Variants in THADA observed in about 807,000 individuals in gnomAD.
The protein encoded by THADA is tRNA (32-2'-O)-methyltransferase regulator THADA.
In THADA, 213 loss-of-function variants were observed where a neutral mutation model predicts 219.8. That is an observed-to-expected ratio of 0.97 (90% CI 0.87 to 1.09). THADA has a LOEUF of 1.09. Ranked by LOEUF, THADA falls within the 50% of genes least tolerant of loss-of-function variation. THADA has a pLI of 0.00. For synonymous variants in THADA, 1,018 were observed against 828.9 expected (o/e 1.23, Z -3.92); for missense variants, 2,956 against 2,311.3 (o/e 1.28, Z -5.72).
chr2:43,505,451 G>A lies in THADA; in HGVS notation c.3621+171C>T, dbSNP rs114258346. Reference sequence around the variant, plus strand: ...GCAAAGATTTAAAACAACTGCAGGCGGCTGAGGCAGAAGAATTGCTTGAAC... The same window carrying A: ...GCAAAGATTTAAAACAACTGCAGGCAGCTGAGGCAGAAGAATTGCTTGAAC... On this transcript the variant is annotated intron_variant, in intron 24 of 37. Coordinates refer to ENST00000405975, the MANE Select transcript of THADA (RefSeq NM_022065.5). Among the ~76,000 whole-genome samples, 973 of 152,274 alleles carry A rather than the reference G, an allele frequency of 6.4e-3. 5 individuals are homozygous for A. The highest frequency in any genetic ancestry group is 1.0e-2 in the Non-Finnish European group (678 of 68,014).
chr2:43,581,726 A>G lies in THADA; in HGVS notation c.721+15T>C, dbSNP rs771759081. On this transcript the variant is annotated intron_variant, in intron 8 of 37. Coordinates refer to ENST00000405975, the MANE Select transcript of THADA (RefSeq NM_022065.5). ...GTCAATTATATATCATTTGTATATA[A>G]TTTGTTACACTTACCATCGCTTAAA... The G allele has an allele frequency of 6.2e-7, 1 of 1,601,472 alleles. No individual in the cohort carries two copies. Among genetic ancestry groups the G allele is most frequent in the Non-Finnish European group, 8.5e-7 (1 of 1,175,506 alleles).
intron 36 of THADA, among the ~76,000 whole-genome samples, chr2:43,274,998 C>CTT (rs1002469067): frequency 3.0e-5 from 2 of 66,298 alleles, no homozygotes; most frequent in East Asian, 3.5e-4. Flanking sequence ...CTTTTCTTTT[C>CTT]TTTTTTTTTT....
At chr2:43,433,535 C>G (rs898446012) in intron 26 of THADA, among the ~76,000 whole-genome samples, 9 of 151,180 alleles carry the variant, frequency 6.0e-5, no homozygotes, top group African/African-American at 1.7e-4. Context: ...TCTCAGAAAA[C>G]AAACAAACAA....
intron 29 of THADA, among the ~76,000 whole-genome samples, chr2:43,355,626 T>G (rs149691920): frequency 2.6e-5 from 4 of 152,150 alleles, no homozygotes; most frequent in African/African-American, 9.7e-5. Flanking sequence ...GTTTTGTATC[T>G]TAGGTCTTAT....
intron 30 of THADA, chr2:43,343,394 A>G (rs1308610547): frequency 6.6e-6 from 1 of 152,208 alleles, no homozygotes; most frequent in Non-Finnish European, 1.5e-5. Context: ...TAACACTAAC[A>G]CATGCGCCTC....
intron 29 of THADA, among the ~76,000 whole-genome samples, chr2:43,394,841 T>C (rs139873818): frequency 1.2e-4 from 18 of 152,346 alleles, no homozygotes; most frequent in African/African-American, 1.7e-4. Flanking sequence ...ATGAATATGA[T>C]ACCCAACAAC....
At chr2:43,407,614 C>T (rs898540737) in intron 28 of THADA, among the ~76,000 whole-genome samples, 1 of 152,086 alleles carries the variant, frequency 6.6e-6, no homozygotes, top group Non-Finnish European at 1.5e-5. Flanking sequence ...GCTCAACATA[C>T]ACCAATTCTA....
Position 43,430,507 on chromosome 2 carries a change from T to A in THADA, c.3837-205A>T. On this transcript the variant is annotated intron_variant, in intron 26 of 37. Transcript: ENST00000405975. ...TCTGAAGTGCTCTCAATCCATGAAC[T>A]TTTATCTCAAAATTTAAGATTATGT... The A allele has an allele frequency of 9.2e-6, 5 of 546,180 alleles. No individual in the cohort carries two copies. The South Asian group carries it at 1.1e-4, about 12-fold the overall frequency. 33.8% of individuals were successfully genotyped at this position (546,180 alleles called of 1,614,324 possible).
chr2:43,348,449 T>C (rs1051078781), intron 29 of THADA, among the ~76,000 whole-genome samples: 1 of 152,228 alleles, frequency 6.6e-6, no homozygotes, highest in Admixed American at 6.5e-5. Context: ...AACCCAAATC[T>C]CTACTAAAAG....
At chr2:43,548,848 C>T (rs956327263) in intron 20 of THADA, among the ~76,000 whole-genome samples, 27 of 152,352 alleles carry the variant, frequency 1.8e-4, no homozygotes, top group African/African-American at 5.5e-4. Flanking sequence ...CGCCCTGCTT[C>T]GGCTCGCGCA....
rs752998473 is a variant in THADA at position 43,320,456 on chromosome 2, G to C, written c.4428C>G (p.Asp1476Glu). 2 of 1,611,930 alleles carry C rather than the reference G, an allele frequency of 1.2e-6. No individual in the cohort carries two copies. Among genetic ancestry groups the C allele is most frequent in the Non-Finnish European group, 1.7e-6 (2 of 1,178,470 alleles). The change falls in exon 31 of 38, where the codon GAC becomes GAG. Residue 1476 changes from aspartate (D) to glutamate (E), a missense_variant. By Grantham distance (45) the Asp-to-Glu change is conservative (BLOSUM62 2). Coordinates refer to ENST00000405975, the MANE Select transcript of THADA (RefSeq NM_022065.5). ...AACTATGAATCATACCTGGCTGGTTGTCCTTTGCAGATCTGTTGAGGCAGC... is the reference window on the plus strand; with the variant it reads ...AACTATGAATCATACCTGGCTGGTTCTCCTTTGCAGATCTGTTGAGGCAGC... ...LTCCLNRSAK[D>E]NQPVLESLGF...
chr2:43,541,174 T>TAATC lies in THADA; in HGVS notation c.3245_3248dup (p.Leu1084IlefsTer15). On this transcript the variant is annotated frameshift_variant, in exon 21 of 38. Coordinates refer to ENST00000405975, the MANE Select transcript of THADA (RefSeq NM_022065.5). LOFTEE classifies it high-confidence loss of function. ...TGTGCCTTACCTGCTCCACCGTCAA[T>TAATC]AATCCATCAGAAGATTCTGGCACAG... is the stretch of plus-strand genomic sequence containing the variant. The TAATC allele has an allele frequency of 6.3e-7, 1 of 1,589,608 alleles. No homozygotes were observed.
chr2:43,488,991 T>C (rs1053036156), intron 25 of THADA, among the ~76,000 whole-genome samples: 2 of 152,224 alleles, frequency 1.3e-5, no homozygotes, highest in African/African-American at 4.8e-5. Context: ...TCTTTGTCCA[T>C]TTTAAAATTG....
At chr2:43,551,976 T>A in intron 18 of THADA, 51 bp from the exon 19 acceptor site, 1 of 1,580,836 alleles carries the variant, frequency 6.3e-7, no homozygotes. Flanking sequence ...AATCACATTT[T>A]AAAAATGAAA....
chr2:43,463,160 T>TG (rs1683836185), intron 26 of THADA: 1 of 152,224 alleles, frequency 6.6e-6, no homozygotes, highest in African/African-American at 2.4e-5. Context: ...CTCTCTCTCT[T>TG]TTTTAGAGCT....
chr2:43,498,733 G>A lies in THADA; in HGVS notation c.3744+100C>T, dbSNP rs1469859721. On this transcript the variant is annotated intron_variant, in intron 25 of 37. Coordinates refer to ENST00000405975, the MANE Select transcript of THADA (RefSeq NM_022065.5). Reference sequence around the variant, plus strand: ...GATTTCTAAGAAAATTCATGGTAAAGGGCAGGAAATATTTTTTATCACCCA... The same window carrying A: ...GATTTCTAAGAAAATTCATGGTAAAAGGCAGGAAATATTTTTTATCACCCA... The A allele has an allele frequency of 2.5e-5, 32 of 1,262,498 alleles. No individual in the cohort carries two copies. In the East Asian group the frequency reaches 6.8e-4, roughly 27 times the overall value. 78.2% of individuals were successfully genotyped at this position (1,262,498 alleles called of 1,614,324 possible).
chr2:43,422,858 TA>T (rs779065846), intron 28 of THADA, among the ~76,000 whole-genome samples: 47 of 152,176 alleles, frequency 3.1e-4, no homozygotes, highest in Non-Finnish European at 6.2e-4. Flanking sequence ...TAGCTGGGAC[TA>T]CAGGCGCAAA....
intron 29 of THADA, among the ~76,000 whole-genome samples, chr2:43,351,766 G>A (rs1229999843): frequency 6.6e-6 from 1 of 152,206 alleles, no homozygotes; most frequent in Non-Finnish European, 1.5e-5. Context: ...AGTCACCTCT[G>A]TAAACTCTGG....
At chr2:43,286,849 A>AT (rs1440408433) in intron 35 of THADA, 59 bp downstream of exon 35, 2 of 1,565,486 alleles carry the variant, frequency 1.3e-6, no homozygotes, top group African/African-American at 2.7e-5. Flanking sequence ...TTAGGCAAGA[A>AT]TATCTATTCA....
Sources: allele counts gnomAD v4.1 joint callset (sites outside exome capture counted in the v4.1 genomes callset), GRCh38; gene constraint gnomAD v4.1.1; transcripts MANE v1.5; gene names NCBI Gene and HGNC (gene_info 2026-07-23, HGNC 2026-07-21).